CYFIP2: variants seen among roughly 807,000 people sequenced by gnomAD.
CYFIP2 encodes the protein cytoplasmic FMR1 interacting protein 2, also known as cytoplasmic FMR1-interacting protein 2.
CYFIP2 carries 29 observed loss-of-function variants against 158.7 expected under a neutral mutation model. The observed-to-expected ratio is 0.18, with a 90% CI of 0.14 to 0.25. The LOEUF is 0.25. Among genes scored for constraint, CYFIP2 ranks in the 10% least tolerant of loss-of-function variants. CYFIP2 has a pLI of 1.00. For synonymous variants in CYFIP2, 585 were observed against 617.6 expected (o/e 0.95, Z 0.78); for missense variants, 852 against 1,639.5 (o/e 0.52, Z 8.29).
chr5:157,304,097 C>T, intron 7 of CYFIP2, 141 bp from the exon 8 acceptor site: 2 of 1,045,890 alleles, frequency 1.9e-6, no homozygotes, highest in Admixed American at 5.5e-5. Flanking sequence ...TGCCAGCTGG[C>T]ATGCAGCCTC....
chr5:157,319,700 G>A (rs1581050572), intron 13 of CYFIP2, 62 bp from the exon 14 acceptor site: 1 of 1,580,926 alleles, frequency 6.3e-7, no homozygotes, highest in East Asian at 2.3e-5. Flanking sequence ...GGGCGGTGAT[G>A]GGTAGTAGAC....
At chr5:157,314,944 T>A (rs1466955210) in intron 12 of CYFIP2, 25 bp from the exon 13 acceptor site, 2 of 1,542,746 alleles carry the variant, frequency 1.3e-6, no homozygotes, top group South Asian at 2.4e-5. Context: ...TTGATGGACG[T>A]TTGGTTTGTT....
intron 28 of CYFIP2, chr5:157,383,587 A>G (rs1766345537): frequency 4.6e-6 from 2 of 438,430 alleles, no homozygotes; most frequent in Admixed American, 3.5e-5. Flanking sequence ...TATCCTGCCA[A>G]CAAGTCGTCT....
At position 157,302,779 on chromosome 5, in the gene CYFIP2, C is replaced by G; in HGVS notation, c.570-15C>G. ...TGGACAGTCCTCTCTGCAGCACCCA[C>G]TATCTGCGTTTCAGGGCAGCACAGT... On this transcript the variant is annotated splice_polypyrimidine_tract_variant and intron_variant, in intron 6 of 30. Coordinates refer to ENST00000620254, the MANE Select transcript of CYFIP2 (RefSeq NM_001037333.3). 6.4e-7 allele frequency: 1 copy of G among 1,562,654 alleles called. No homozygotes were observed. The highest frequency in any genetic ancestry group is 8.7e-7 in the Non-Finnish European group (1 of 1,152,760).
chr5:157,320,947 G>A (rs908716744), intron 15 of CYFIP2, 145 bp downstream of exon 15: 3 of 1,064,728 alleles, frequency 2.8e-6, no homozygotes, highest in East Asian at 5.7e-5. Context: ...GTCTTATTCT[G>A]CCATCTTGTT....
At chr5:157,267,947 G>A (rs1422367317) in intron 1 of CYFIP2, among the ~76,000 whole-genome samples, 1 of 152,244 alleles carries the variant, frequency 6.6e-6, no homozygotes, top group Non-Finnish European at 1.5e-5. Context: ...ATGCATGCAT[G>A]TGCATGCGTG....
intron 23 of CYFIP2, chr5:157,343,528 G>C (rs767226158): frequency 1.9e-6 from 3 of 1,557,954 alleles, no homozygotes; most frequent in Admixed American, 3.7e-5. Flanking sequence ...TCCCCACCTC[G>C]ATGTTCATCC....
At chr5:157,357,728 G>C (rs555375517) in intron 23 of CYFIP2, among the ~76,000 whole-genome samples, 3 of 152,192 alleles carry the variant, frequency 2.0e-5, no homozygotes, top group African/African-American at 7.2e-5. Flanking sequence ...CTACTTGGGA[G>C]GCTGAAGCAG....
intron 19 of CYFIP2, among the ~76,000 whole-genome samples, chr5:157,328,508 TATG>T (rs1282618472): frequency 9.9e-5 from 15 of 151,776 alleles, no homozygotes; most frequent in African/African-American, 3.4e-4. Context: ...GCGGTGGGAG[TATG>T]ATGATAACAG....
Position 157,380,831 on chromosome 5 carries a change from G to A in CYFIP2, c.3040-1759G>A, listed in dbSNP as rs530752540. 6.6e-5 allele frequency among the ~76,000 whole-genome samples: 10 copies of A among 152,318 alleles called. No individual in the cohort carries two copies. In the East Asian group the frequency reaches 1.7e-3, roughly 26 times the overall value. On this transcript the variant is annotated intron_variant, in intron 26 of 30. Coordinates refer to ENST00000620254, the MANE Select transcript of CYFIP2 (RefSeq NM_001037333.3). ...AGTAAGCAAAGTTTTCAGGTTATAT[G>A]ATGAATCAAAGGATCTAAGCTTAGA... is the stretch of plus-strand genomic sequence containing the variant.
At chr5:157,306,212 T>C (rs1345893475) in intron 8 of CYFIP2, among the ~76,000 whole-genome samples, 1 of 152,228 alleles carries the variant, frequency 6.6e-6, no homozygotes, top group Admixed American at 6.5e-5. Context: ...TTACATGTCT[T>C]AGCACCTCAG....
intron 1 of CYFIP2, among the ~76,000 whole-genome samples, chr5:157,267,835 T>G (rs779592216): frequency 6.6e-6 from 1 of 152,246 alleles, no homozygotes; most frequent in African/African-American, 2.4e-5. Flanking sequence ...GGGTAGTTCT[T>G]TTGGGAACGG....
At chr5:157,387,318 G>A (rs904552576) in intron 28 of CYFIP2, among the ~76,000 whole-genome samples, 6 of 152,184 alleles carry the variant, frequency 3.9e-5, no homozygotes, top group Admixed American at 3.9e-4. Context: ...GAAAGCTCCT[G>A]TGTCATTCAA....
In CYFIP2 at chr5:157,286,484, A is replaced by G. The variant is rs1049789053; in HGVS notation, c.118-535A>G. Among the ~76,000 whole-genome samples the G allele has an allele frequency of 1.2e-4, 18 of 149,424 alleles. 1 individual carries two copies. In the East Asian group the frequency reaches 3.5e-3, roughly 29 times the overall value. On this transcript the variant is annotated intron_variant, in intron 2 of 30. Coordinates refer to ENST00000620254, the MANE Select transcript of CYFIP2 (RefSeq NM_001037333.3). ...GGATATTTTTCCATGACAATACCAC[A>G]ATACTACCACATTAGGCTTAGCCAC...
Position 157,294,872 on chromosome 5 carries a change from C to T in CYFIP2, c.285+12C>T. 1 of 1,609,916 alleles carries T rather than the reference C, an allele frequency of 6.2e-7. No individual in the cohort carries two copies. Among genetic ancestry groups the T allele is most frequent in the Non-Finnish European group, 8.5e-7 (1 of 1,176,740 alleles). ...GGGCCATTCCCCAGGTGAGACTGTCCTTGTTGTGTGTCTCTTTCCCCTCCA... is the reference window on the plus strand; with the variant it reads ...GGGCCATTCCCCAGGTGAGACTGTCTTTGTTGTGTGTCTCTTTCCCCTCCA... On this transcript the variant is annotated intron_variant, in intron 4 of 30. Transcript: ENST00000620254.
intron 2 of CYFIP2, 140 bp from the exon 3 acceptor site, chr5:157,286,879 G>A: frequency 1.6e-6 from 1 of 606,258 alleles, no homozygotes; most frequent in Non-Finnish European, 3.1e-6. Context: ...GTGGGGAAGG[G>A]GCAAGATGAA....
chr5:157,307,815 C>G lies in CYFIP2; in HGVS notation c.850C>G (p.Leu284Val), dbSNP rs1425190532. Residue 284 changes from leucine to valine, a missense_variant, in exon 9 of 31, where the codon CTG becomes GTG. This residue lies in a region of CYFIP2 where 133 missense variants were observed against 197.1 expected (regional missense o/e 0.67). Coordinates refer to ENST00000620254, the MANE Select transcript of CYFIP2 (RefSeq NM_001037333.3). ...MDGNVSNIYK[L>V]DAKKRINLSK... ...TGGAAATGTCAGTAACATTTACAAA[C>G]TGGATGCCAAGAAGAGAATTAATCT... The G allele has an allele frequency of 1.2e-6, 2 of 1,611,558 alleles. No homozygotes were observed. The highest frequency in any genetic ancestry group is 1.7e-6 in the Non-Finnish European group (2 of 1,178,760).
intron 14 of CYFIP2, 48 bp downstream of exon 14, chr5:157,319,976 G>A (rs1334996619): frequency 6.3e-7 from 1 of 1,595,472 alleles, no homozygotes; most frequent in Admixed American, 1.7e-5. Flanking sequence ...AAGCATGCCA[G>A]GTACCCATCA....
chr5:157,304,507 C>G, intron 8 of CYFIP2, 141 bp downstream of exon 8: 1 of 951,054 alleles, frequency 1.1e-6, no homozygotes, highest in South Asian at 1.8e-5. Flanking sequence ...GGTTTGTAAC[C>G]TGTTCCTTTC....
Sources: gnomAD v4.1 joint callset for allele counts (sites outside exome capture counted in the v4.1 genomes callset) on GRCh38, gnomAD v4.1.1 for gene constraint, gnomAD v4.1.1 regional missense constraint, MANE v1.5 for transcripts, NCBI Gene and HGNC (gene_info 2026-07-23, HGNC 2026-07-21) for gene names.